The following STXBP5L variants were observed in gnomAD, a reference collection of about 807,000 sequenced individuals.
The protein encoded by STXBP5L is syntaxin binding protein 5L.
In STXBP5L, 65 loss-of-function variants were observed where a neutral mutation model predicts 144.5. That is an observed-to-expected ratio of 0.45 (90% CI 0.37 to 0.55). The LOEUF is 0.55. STXBP5L is among the 20% of genes least tolerant of loss of function. The pLI, the probability that STXBP5L is intolerant of heterozygous loss-of-function variation, is 0.00. For missense variants in STXBP5L, 1,298 were observed against 1,405.5 expected (o/e 0.92, Z 1.22); for synonymous variants, 505 against 469.6 (o/e 1.08, Z -0.97).
intron 19 of STXBP5L, among the ~76,000 whole-genome samples, chr3:121,314,596 AGAGGG>A (rs1304738834): frequency 6.0e-5 from 6 of 99,376 alleles, no homozygotes; most frequent in African/African-American, 2.1e-4. Context: ...AGGGAGAGGG[AGAGGG>A]AGAGGGAGAG....
intron 9 of STXBP5L, among the ~76,000 whole-genome samples, chr3:121,186,975 A>T (rs2047409024): frequency 6.6e-6 from 1 of 152,128 alleles, no homozygotes; most frequent in Admixed American, 6.5e-5. Context: ...GGGACTGTAA[A>T]CTAGTTCAAC....
At chr3:121,203,672 TAAC>T (rs1338967308) in intron 9 of STXBP5L, among the ~76,000 whole-genome samples, 2 of 152,160 alleles carry the variant, frequency 1.3e-5, no homozygotes, top group Admixed American at 6.6e-5. Flanking sequence ...AATGTTAACT[TAAC>T]AAGTAATTAT....
At chr3:121,212,936 T>C (rs1260177516) in intron 10 of STXBP5L, among the ~76,000 whole-genome samples, 1 of 152,176 alleles carries the variant, frequency 6.6e-6, no homozygotes, top group Non-Finnish European at 1.5e-5. Flanking sequence ...TCATGTCCCT[T>C]GTAAATTGTA....
chr3:121,034,779 G>A (rs1268537505), intron 3 of STXBP5L, among the ~76,000 whole-genome samples: 2 of 152,066 alleles, frequency 1.3e-5, no homozygotes, highest in Non-Finnish European at 2.9e-5. Flanking sequence ...TATATTTTTA[G>A]TTCTTTGAGA....
chr3:121,296,027 G>A (rs1211026245), intron 19 of STXBP5L, among the ~76,000 whole-genome samples: 1 of 152,120 alleles, frequency 6.6e-6, no homozygotes, highest in African/African-American at 2.4e-5. Flanking sequence ...AAAAGTTGGT[G>A]TGATTCACAG....
rs58413538 is a variant in STXBP5L, at chr3:121,361,593, G to A, written c.2177-17123G>A. Among the ~76,000 whole-genome samples the A allele has an allele frequency of 2.5e-3, 385 of 151,912 alleles. 2 individuals carry two copies. Among genetic ancestry groups the A allele is most frequent in the African/African-American group, 8.7e-3 (362 of 41,428 alleles). On this transcript the variant is annotated intron_variant, in intron 20 of 26. Transcript: ENST00000471454. ...TGTAAACACTCTTATGCATTCTTCA[G>A]TATGCCAGTTGCATTTTTCAGCTCC... is the stretch of plus-strand genomic sequence containing the variant.
chr3:121,162,796 A>C (rs2046369150), intron 9 of STXBP5L, among the ~76,000 whole-genome samples: 2 of 152,258 alleles, frequency 1.3e-5, no homozygotes, highest in African/African-American at 4.8e-5. Context: ...GAAGACATTC[A>C]TGCAACCAAC....
intron 3 of STXBP5L, among the ~76,000 whole-genome samples, chr3:121,007,334 G>A (rs1037465685): frequency 6.6e-6 from 1 of 151,894 alleles, no homozygotes; most frequent in Non-Finnish European, 1.5e-5. Flanking sequence ...ATATTTGTCT[G>A]TAGCTTTCTT....
intron 9 of STXBP5L, among the ~76,000 whole-genome samples, chr3:121,185,175 G>A (rs2047324345): frequency 1.3e-5 from 2 of 152,154 alleles, no homozygotes; most frequent in South Asian, 4.1e-4. Flanking sequence ...GTTAATTGTA[G>A]ATTCTACAAT....
rs1182141083 is a variant in STXBP5L at position 121,235,000 on chromosome 3, A to AT, written c.1184+1313dup. ...CCCACTTTCTTCAGTATATATATAT[A>AT]TATTTTTTTATTTAAATTTTGTTTT... On this transcript the variant is annotated intron_variant, in intron 12 of 26. Transcript: ENST00000471454. 2.6e-5 allele frequency among the ~76,000 whole-genome samples: 4 copies of AT among 150,976 alleles called. No individual in the cohort carries two copies. In the East Asian group the frequency reaches 5.8e-4, roughly 22 times the overall value.
chr3:121,154,256 T>C (rs1577073206), intron 8 of STXBP5L, among the ~76,000 whole-genome samples: 1 of 151,880 alleles, frequency 6.6e-6, no homozygotes, highest in South Asian at 2.1e-4. Context: ...TCTATTGTTT[T>C]AACAGAGATA....
At chr3:121,290,227 C>G (rs959026031) in intron 19 of STXBP5L, among the ~76,000 whole-genome samples, 1 of 151,934 alleles carries the variant, frequency 6.6e-6, no homozygotes, top group African/African-American at 2.4e-5. Context: ...AATATTACAA[C>G]CAATACAACA....
At chr3:120,950,705 A>G (rs554570779) in intron 2 of STXBP5L, among the ~76,000 whole-genome samples, 171 of 152,290 alleles carry the variant, frequency 1.1e-3, no homozygotes, top group Non-Finnish European at 1.9e-3. Context: ...GGAAGAATCA[A>G]TATCGTGAAA....
intron 3 of STXBP5L, among the ~76,000 whole-genome samples, chr3:121,001,928 A>G (rs1272895962): frequency 1.3e-5 from 2 of 152,182 alleles, no homozygotes; most frequent in East Asian, 3.9e-4. Context: ...TATTGTATGC[A>G]TTCACCACAT....
chr3:121,153,998 T>A (rs1337901283), intron 8 of STXBP5L, among the ~76,000 whole-genome samples: 2 of 151,796 alleles, frequency 1.3e-5, no homozygotes, highest in Non-Finnish European at 3.0e-5. Flanking sequence ...CCAGTTGGAA[T>A]TAGAATAACC....
Position 120,938,530 on chromosome 3 carries a change from A to C in STXBP5L, c.190-16410A>C, listed in dbSNP as rs72966714. Among the ~76,000 whole-genome samples the C allele has an allele frequency of 2.5e-3, 380 of 152,300 alleles. 2 individuals are homozygous for C. Among genetic ancestry groups the C allele is most frequent in the African/African-American group, 8.6e-3 (357 of 41,580 alleles). ...AAGGTTGTACAGGTTGAGCAACCCA[A>C]ATCCAAAACATTTGGTTATTATCCT... On this transcript the variant is annotated intron_variant, in intron 2 of 26. Transcript: ENST00000471454.
intron 9 of STXBP5L, among the ~76,000 whole-genome samples, chr3:121,184,223 C>T (rs912194985): frequency 1.3e-5 from 2 of 151,824 alleles, no homozygotes; most frequent in Non-Finnish European, 2.9e-5. Context: ...GTTTGATGAA[C>T]CGACAGAAGT....
intron 3 of STXBP5L, among the ~76,000 whole-genome samples, chr3:120,996,114 T>C (rs1355690525): frequency 6.6e-6 from 1 of 152,142 alleles, no homozygotes; most frequent in Non-Finnish European, 1.5e-5. Context: ...AGAGACATGC[T>C]ATCATTCAAA....
intron 9 of STXBP5L, among the ~76,000 whole-genome samples, chr3:121,195,907 T>A (rs1040960914): frequency 6.6e-6 from 1 of 152,230 alleles, no homozygotes; most frequent in Non-Finnish European, 1.5e-5. Flanking sequence ...GCTTGTTTTC[T>A]TTGCTCTGCA....
Sources: allele counts gnomAD v4.1 joint callset (sites outside exome capture counted in the v4.1 genomes callset), GRCh38; gene constraint gnomAD v4.1.1; transcripts MANE v1.5; gene names NCBI Gene and HGNC (gene_info 2026-07-23, HGNC 2026-07-21).